CHRND: variants seen among roughly 807,000 people sequenced by gnomAD.
CHRND encodes acetylcholine receptor subunit delta.
CHRND carries 40 observed loss-of-function variants against 57.8 expected under a neutral mutation model. That is an observed-to-expected ratio of 0.69 (90% CI 0.54 to 0.90). The LOEUF is 0.90. Among genes scored for constraint, CHRND ranks in the 40% least tolerant of loss-of-function variants. The pLI is 0.00. For synonymous variants in CHRND, 237 were observed against 270.6 expected, an observed-to-expected ratio of 0.88 and a Z score of 1.22; for missense variants, 634 against 673.9, an observed-to-expected ratio of 0.94 and a Z score of 0.66.
intron 7 of CHRND, 27 bp from the exon 8 acceptor site, chr2:232,531,325 G>T (rs201702120): frequency 2.2e-4 from 330 of 1,528,966 alleles, no homozygotes; most frequent in South Asian, 1.1e-3. Context: ...GGTGCCCCAA[G>T]GTCACAGCTA....
intron 11 of CHRND, among the ~76,000 whole-genome samples, chr2:232,534,794 G>A (rs1490307454): frequency 1.2e-4 from 19 of 152,250 alleles, no homozygotes; most frequent in Admixed American, 1.2e-3. Flanking sequence ...CTGACTTGCT[G>A]AGATGGGGGA....
rs1033278747 is a variant in CHRND, at chr2:232,536,250, G to T, written c.*938G>T. The T allele has an allele frequency of 2.2e-6, 1 of 453,998 alleles. No individual in the cohort carries two copies. The highest frequency in any genetic ancestry group is 4.4e-6 in the Non-Finnish European group (1 of 226,802). 28.1% of individuals were successfully genotyped at this position (453,998 alleles called of 1,614,324 possible). On this transcript the variant is annotated 3_prime_UTR_variant, in exon 12 of 12. Coordinates refer to ENST00000258385, the MANE Select transcript of CHRND (RefSeq NM_000751.3). The stretch of plus-strand genomic sequence containing the variant: ...TGCCCAGTATTCACACCCTTGTGCA[G>T]TCCCCTCACTCTGTACCAGGGTGGG...
rs1421617242 is a variant in CHRND at position 232,527,419 on chromosome 2, C to T, written c.217C>T (p.Leu73Phe). Residue 73 changes from leucine (L) to phenylalanine (F), a missense_variant, in exon 3 of 12, where the codon CTC becomes TTC. Transcript: ENST00000258385. ...LISLKEVEET[L>F]TTNVWIEHGW... ...ATTACAGAAAGAAGTTGAGGAGACC[C>T]TCACTACCAATGTGTGGATAGAGCA... 1 of 1,613,576 alleles carries T rather than the reference C, an allele frequency of 6.2e-7. No individual in the cohort carries two copies. The highest frequency in any genetic ancestry group is 2.2e-5 in the East Asian group (1 of 44,822).
At position 232,534,011 on chromosome 2, in the gene CHRND, G is replaced by C; in HGVS notation, c.1128G>C (p.Arg376=). ...EDGPSPGALV[R]RSSSLGYISK... is the part of the protein sequence containing the mutation. ...GACCCAGCCCTGGGGCCCTGGTGCG[G>C]AGGAGCAGCTCCCTGGGATACATCT... is the stretch of plus-strand genomic sequence containing the variant. Residue 376 remains arginine, a synonymous_variant, in exon 10 of 12, where the codon CGG becomes CGC. Transcript: ENST00000258385. 6.2e-7 allele frequency: 1 copy of C among 1,614,044 alleles called. No homozygotes were observed. Among genetic ancestry groups the C allele is most frequent in the Non-Finnish European group, 8.5e-7 (1 of 1,180,044 alleles).
chr2:232,536,294 T>C lies in CHRND; in HGVS notation c.*982T>C, dbSNP rs1691891043. The C allele has an allele frequency of 2.2e-6, 1 of 453,982 alleles. No individual in the cohort carries two copies. Among genetic ancestry groups the C allele is most frequent in the Non-Finnish European group, 4.4e-6 (1 of 226,800 alleles). 28.1% of individuals were successfully genotyped at this position (453,982 alleles called of 1,614,324 possible). On this transcript the variant is annotated 3_prime_UTR_variant, in exon 12 of 12. Coordinates refer to ENST00000258385, the MANE Select transcript of CHRND (RefSeq NM_000751.3). ...GGGTGGGTCTGGGTAACCAATAGAA[T>C]GAGGCAGAAGTGATGGTACCTCACT...
chr2:232,527,012 A>C (rs982838315), intron 2 of CHRND, among the ~76,000 whole-genome samples: 1 of 152,176 alleles, frequency 6.6e-6, no homozygotes, highest in African/African-American at 2.4e-5. Context: ...CAGTGGGTGA[A>C]TGTAGGCTGG....
intron 7 of CHRND, 77 bp from the exon 8 acceptor site, chr2:232,531,275 G>A (rs1254076947): frequency 2.7e-6 from 2 of 739,662 alleles, no homozygotes; most frequent in Non-Finnish European, 4.3e-6. Flanking sequence ...GGACCCTCTA[G>A]GACCGGTGCC....
In CHRND at chr2:232,526,283, C is replaced by G; in HGVS notation, c.52+16C>G. The G allele has an allele frequency of 6.2e-7, 1 of 1,610,504 alleles. No individual in the cohort carries two copies. The highest frequency in any genetic ancestry group is 8.5e-7 in the Non-Finnish European group (1 of 1,178,442). ...GCGGTGTGTGGTAAGGGAAGACACCCTCCCCACCCTGGGGTCCCCCGTGAT... is the reference window on the plus strand; with the variant it reads ...GCGGTGTGTGGTAAGGGAAGACACCGTCCCCACCCTGGGGTCCCCCGTGAT... On this transcript the variant is annotated intron_variant, in intron 1 of 11. Transcript: ENST00000258385.
intron 9 of CHRND, among the ~76,000 whole-genome samples, chr2:232,531,945 T>C (rs1691715679): frequency 6.1e-5 from 2 of 32,602 alleles, no homozygotes; most frequent in Admixed American, 9.0e-4. Context: ...AGACCTTGTC[T>C]CAAAAAAAAA....
chr2:232,528,136 C>A, intron 3 of CHRND, 126 bp from the exon 4 acceptor site: 1 of 849,640 alleles, frequency 1.2e-6, no homozygotes, highest in Non-Finnish European at 2.0e-6. Context: ...CACTCTGTAC[C>A]TGCCTTCCCC....
chr2:232,529,852 C>T (rs1691616193), intron 6 of CHRND, 87 bp from the exon 7 acceptor site: 1 of 1,440,006 alleles, frequency 6.9e-7, no homozygotes, highest in African/African-American at 1.4e-5. Context: ...GACTGGCTTG[C>T]CCTGCCCAGC....
rs1047325384 is a variant in CHRND at position 232,526,564 on chromosome 2, C to T, written c.88C>T (p.Arg30Trp). Residue 30 changes from arginine to tryptophan, a missense_variant, in exon 2 of 12, where the codon CGG becomes TGG. Transcript: ENST00000258385. ...GCTGAACGAGGAGGAGCGGCTGATCCGGCACCTGTTTCAAGAGAAGGGCTA... is the reference window on the plus strand; with the variant it reads ...GCTGAACGAGGAGGAGCGGCTGATCTGGCACCTGTTTCAAGAGAAGGGCTA... ...WGLNEEERLI[R>W]HLFQEKGYNK... 9.3e-6 allele frequency: 15 copies of T among 1,613,566 alleles called. No individual in the cohort carries two copies. The highest frequency in any genetic ancestry group is 3.3e-5 in the Admixed American group (2 of 60,006).
At position 232,530,097 on chromosome 2, in the gene CHRND, A is replaced by G; in HGVS notation, c.778A>G (p.Ile260Val). The change falls in exon 7 of 12, where the codon ATC becomes GTC. Residue 260 changes from isoleucine to valine, a missense_variant. Transcript: ENST00000258385. ...IINILVPCVL[I>V]SFMVNLVFYL... ...CAACATCCTGGTGCCCTGCGTGCTC[A>G]TCTCCTTCATGGTCAACCTGGTCTT... 1 of 1,613,980 alleles carries G rather than the reference A, an allele frequency of 6.2e-7. No homozygotes were observed.
chr2:232,530,996 C>T (rs2106210950), intron 7 of CHRND, among the ~76,000 whole-genome samples: 1 of 152,234 alleles, frequency 6.6e-6, no homozygotes, highest in South Asian at 2.1e-4. Flanking sequence ...GGTCTGTGCT[C>T]CAGGAGGGTT....
intron 2 of CHRND, 23 bp from the exon 3 acceptor site, chr2:232,527,378 A>G (rs1199723616): frequency 1.3e-6 from 2 of 1,598,650 alleles, no homozygotes; most frequent in South Asian, 1.1e-5. Flanking sequence ...GCCCTGAAGG[A>G]TGGCCCTACC....
chr2:232,533,837 A>G (rs985512430), intron 9 of CHRND, 94 bp from the exon 10 acceptor site: 29 of 1,296,734 alleles, frequency 2.2e-5, no homozygotes, highest in Non-Finnish European at 2.9e-5. Flanking sequence ...AGATCGCGCC[A>G]CTGCACTCCA....
At chr2:232,530,839 C>T (rs1193944930) in intron 7 of CHRND, among the ~76,000 whole-genome samples, 4 of 152,156 alleles carry the variant, frequency 2.6e-5, no homozygotes, top group African/African-American at 4.8e-5. Flanking sequence ...CCCCCCTTCC[C>T]GCCCTTGCCA....
At chr2:232,532,530 A>G (rs1477558908) in intron 9 of CHRND, among the ~76,000 whole-genome samples, 1 of 151,590 alleles carries the variant, frequency 6.6e-6, no homozygotes, top group Non-Finnish European at 1.5e-5. Flanking sequence ...CCATCTGTAG[A>G]ATGGGTAAAG....
rs1553573947 is a variant in CHRND at position 232,527,310 on chromosome 2, A to AAGAGAGAG, written c.199-74_199-67dup. 9,448 of 913,758 alleles carry AAGAGAGAG rather than the reference A, an allele frequency of 0.01. 52 individuals are homozygous for AAGAGAGAG. The highest frequency in any genetic ancestry group is 0.034 in the South Asian group (2,451 of 71,068). 56.6% of individuals were successfully genotyped at this position (913,758 alleles called of 1,614,324 possible). A position where few individuals can be genotyped will look rare whatever the true frequency, so the allele number is the denominator to read the frequency against. On this transcript the variant is annotated intron_variant, in intron 2 of 11. Transcript: ENST00000258385. ...AATTGAGCAAGACCCTGGAAAAAAA[A>AAGAGAGAG]AGAGAGAGAGAGAGAGAGAGAGAGT... is the stretch of plus-strand genomic sequence containing the variant.
Sources: allele counts gnomAD v4.1 joint callset (sites outside exome capture counted in the v4.1 genomes callset), GRCh38; gene constraint gnomAD v4.1.1; transcripts MANE v1.5; gene names NCBI Gene and HGNC (gene_info 2026-07-23, HGNC 2026-07-21).